Variants in RAB27A observed in about 807,000 individuals in gnomAD.
RAB27A encodes the protein ras-related protein Rab-27A.
In RAB27A, 17 loss-of-function variants were observed where a neutral mutation model predicts 20.8. That is an observed-to-expected ratio of 0.82 (90% confidence interval 0.56 to 1.23). The LOEUF is 1.23. Among genes scored for constraint, RAB27A ranks in the 50% most tolerant of loss-of-function variants. RAB27A has a pLI of 0.00. For missense variants in RAB27A, 277 were observed against 266.7 expected, an observed-to-expected ratio of 1.04 and a Z score of -0.27; for synonymous variants, 85 against 92.8, an observed-to-expected ratio of 0.92 and a Z score of 0.48.
intron 2 of RAB27A, among the ~76,000 whole-genome samples, chr15:55,307,060 C>T (rs528075911): frequency 3.3e-5 from 5 of 152,032 alleles, no homozygotes; most frequent in Middle Eastern, 3.4e-3. Context: ...CCACTTTAAC[C>T]GCAGTTGGGA....
chr15:55,265,252 A>G (rs555104475), intron 2 of RAB27A, among the ~76,000 whole-genome samples: 1 of 152,046 alleles, frequency 6.6e-6, no homozygotes, highest in East Asian at 1.9e-4. Context: ...AAAGAAAAAA[A>G]GAAGAAGAAG....
upstream of RAB27A, among the ~76,000 whole-genome samples, chr15:55,293,783 G>C (rs1011811289): frequency 3.9e-5 from 6 of 152,112 alleles, no homozygotes; most frequent in African/African-American, 9.7e-5. Flanking sequence ...CGGGCGTGGT[G>C]GTGGGTGCCT....
At chr15:55,243,084 T>A (rs1171992961) in intron 2 of RAB27A, among the ~76,000 whole-genome samples, 1 of 152,222 alleles carries the variant, frequency 6.6e-6, no homozygotes, top group Non-Finnish European at 1.5e-5. Flanking sequence ...GGATCTGTAC[T>A]TCTGTGCTCA....
intron 2 of RAB27A, among the ~76,000 whole-genome samples, chr15:55,250,978 A>G (rs991728410): frequency 4.6e-5 from 7 of 152,246 alleles, no homozygotes; most frequent in African/African-American, 1.7e-4. Flanking sequence ...ACCAACGCCC[A>G]TAGACCCAAC....
chr15:55,215,901 G>C (rs574464780), intron 6 of RAB27A, among the ~76,000 whole-genome samples: 1 of 144,664 alleles, frequency 6.9e-6, no homozygotes, highest in East Asian at 2.0e-4. Context: ...AGCCGAGATC[G>C]TGCTACGGCA....
intron 6 of RAB27A, among the ~76,000 whole-genome samples, chr15:55,210,518 G>C (rs1368209166): frequency 6.6e-6 from 1 of 150,894 alleles, no homozygotes; most frequent in Non-Finnish European, 1.5e-5. Flanking sequence ...GCCTTTCTCT[G>C]AGTAGTGATA....
At chr15:55,307,161 G>A (rs1037235062) in intron 2 of RAB27A, among the ~76,000 whole-genome samples, 1 of 151,914 alleles carries the variant, frequency 6.6e-6, no homozygotes, top group African/African-American at 2.4e-5. Context: ...ATGACACCAG[G>A]GTGGAATATT....
chr15:55,233,571 C>A (rs2140986797), intron 3 of RAB27A, among the ~76,000 whole-genome samples: 1 of 152,154 alleles, frequency 6.6e-6, no homozygotes, highest in African/African-American at 2.4e-5. Flanking sequence ...TGTAAGAAGC[C>A]AGACACAAAA....
At chr15:55,246,518 G>A (rs570277513) in intron 2 of RAB27A, among the ~76,000 whole-genome samples, 1 of 151,382 alleles carries the variant, frequency 6.6e-6, no homozygotes, top group East Asian at 1.9e-4. Context: ...AATGTTTATA[G>A]AGATTTATGG....
chr15:55,222,266 A>C (rs997943648), intron 6 of RAB27A, among the ~76,000 whole-genome samples: 1 of 152,202 alleles, frequency 6.6e-6, no homozygotes, highest in African/African-American at 2.4e-5. Flanking sequence ...TGCAATTGCA[A>C]ATCCTTGCCA....
intron 6 of RAB27A, among the ~76,000 whole-genome samples, chr15:55,212,239 C>T (rs1397594079): frequency 6.6e-6 from 1 of 152,078 alleles, no homozygotes; most frequent in Admixed American, 6.5e-5. Flanking sequence ...AAGGAACTTG[C>T]CCAATTCACA....
chr15:55,233,485 A>G (rs1367727501), intron 3 of RAB27A, among the ~76,000 whole-genome samples: 1 of 152,252 alleles, frequency 6.6e-6, no homozygotes, highest in African/African-American at 2.4e-5. Context: ...ACAATAGAAT[A>G]TTATGTAGCT....
rs556487921 is a variant in RAB27A, at chr15:55,204,237, C to T, written c.*1270G>A. On this transcript the variant is annotated 3_prime_UTR_variant, in exon 7 of 7. Coordinates refer to ENST00000336787, the MANE Select transcript of RAB27A (RefSeq NM_183235.3). ...ATGAAATACCTTTGAATTTTATAAA[C>T]AACTTCCATGAAACATATATTAAAA... is the stretch of plus-strand genomic sequence containing the variant. 6.6e-6 allele frequency: 1 copy of T among 152,246 alleles called. No homozygotes were observed. Among genetic ancestry groups the T allele is most frequent in the Admixed American group, 6.5e-5 (1 of 15,292 alleles). 9.4% of individuals were successfully genotyped at this position (152,246 alleles called of 1,614,324 possible). A position where few individuals can be genotyped will look rare whatever the true frequency, so the allele number is the denominator to read the frequency against.
chr15:55,221,524 C>G (rs1895569573), intron 6 of RAB27A, among the ~76,000 whole-genome samples: 1 of 152,192 alleles, frequency 6.6e-6, no homozygotes, highest in Non-Finnish European at 1.5e-5. Context: ...GCCTCCCCCT[C>G]AGAATCACCT....
At chr15:55,292,741 T>C (rs1455840516), upstream of RAB27A, among the ~76,000 whole-genome samples, 3 of 152,180 alleles carry the variant, frequency 2.0e-5, no homozygotes, top group Admixed American at 6.5e-5. Flanking sequence ...TGAAGCTGTT[T>C]AGTATGTAGT....
chr15:55,208,401 T>C (rs1894755055), intron 6 of RAB27A, among the ~76,000 whole-genome samples: 1 of 152,210 alleles, frequency 6.6e-6, no homozygotes, highest in Non-Finnish European at 1.5e-5. Context: ...GAATTTATTG[T>C]AATGCATAAT....
Position 55,276,331 on chromosome 15 carries a change from G to A in RAB27A, c.-142-6047C>T, listed in dbSNP as rs545609198. On this transcript the variant is annotated intron_variant, in intron 1 of 6. Coordinates refer to ENST00000336787, the MANE Select transcript of RAB27A (RefSeq NM_183235.3). ...CCTGTGACAATACAGATAGGTGGAA[G>A]ATATTATACTAAGTTAAATAAGCCA... Among the ~76,000 whole-genome samples the A allele has an allele frequency of 8.5e-5, 13 of 152,316 alleles. No homozygotes were observed. In the East Asian group the frequency reaches 1.9e-3, roughly 23 times the overall value.
intron 3 of RAB27A, among the ~76,000 whole-genome samples, chr15:55,234,552 G>A (rs1018159430): frequency 1.3e-5 from 2 of 152,174 alleles, no homozygotes; most frequent in African/African-American, 4.8e-5. Flanking sequence ...GTACCAAGGT[G>A]ACATTTTAAA....
intron 2 of RAB27A, among the ~76,000 whole-genome samples, chr15:55,244,318 A>C (rs1437547781): frequency 2.6e-5 from 4 of 152,076 alleles, no homozygotes; most frequent in Admixed American, 6.6e-5. Flanking sequence ...CCATCTCAAA[A>C]AAACAAACAA....
Sources: allele counts gnomAD v4.1 joint callset (sites outside exome capture counted in the v4.1 genomes callset), GRCh38; gene constraint gnomAD v4.1.1; transcripts MANE v1.5; gene names NCBI Gene and HGNC (gene_info 2026-07-23, HGNC 2026-07-21).